The following RPF2 variants were observed in gnomAD, a reference collection of about 807,000 sequenced individuals.
RPF2 encodes the protein ribosome production factor 2 homolog, also known as brix domain containing 1.
RPF2 carries 21 observed loss-of-function variants against 38.9 expected under a neutral mutation model. The observed-to-expected ratio is 0.54, with a 90% CI of 0.38 to 0.78. The LOEUF (loss-of-function observed/expected upper bound fraction) is 0.78. Ranked by LOEUF, RPF2 falls within the 30% of genes least tolerant of loss-of-function variation. RPF2 has a pLI of 0.00. For missense variants in RPF2, 314 were observed against 358.1 expected (o/e 0.88, Z 0.99); for synonymous variants, 121 against 126.2 (o/e 0.96, Z 0.28).
chr6:110,992,310 CA>C (rs908841607), intron 4 of RPF2, among the ~76,000 whole-genome samples: 131 of 142,122 alleles, frequency 9.2e-4, no homozygotes, highest in Non-Finnish European at 1.3e-3. Context: ...AACTCCGGCT[CA>C]AAAAAAAAAA....
rs1428013108 is a variant in RPF2 at position 111,025,975 on chromosome 6, C to T, written c.*393C>T. ...AGTATGAATTACCTGGAAAGTTAAC[C>T]TCCTCTCCCAACATGGATCTACATT... On this transcript the variant is annotated 3_prime_UTR_variant, in exon 10 of 10. Transcript: ENST00000441448. 4 of 153,668 alleles carry T rather than the reference C, an allele frequency of 2.6e-5. No individual in the cohort carries two copies. The highest frequency in any genetic ancestry group is 4.3e-5 in the Non-Finnish European group (3 of 69,166). The allele number at this position is 153,668 out of a possible 1,614,324, so 9.5% of individuals were successfully genotyped here.
rs2114363017 is a variant in RPF2, at chr6:111,026,489, C to T, written c.*907C>T. The stretch of plus-strand genomic sequence containing the variant: ...GCAGCCGGAACTACAGATGTTGGTC[C>T]ACTGCACCTGGCAGAAAAGAAGTTT... On this transcript the variant is annotated 3_prime_UTR_variant, in exon 10 of 10. Transcript: ENST00000441448. The T allele has an allele frequency of 6.6e-6, 1 of 152,424 alleles. No individual in the cohort carries two copies. Among genetic ancestry groups the T allele is most frequent in the African/African-American group, 2.4e-5 (1 of 41,540 alleles). 9.4% of individuals were successfully genotyped at this position (152,424 alleles called of 1,614,324 possible).
At chr6:111,004,898 C>CT (rs1246563935) in intron 6 of RPF2, among the ~76,000 whole-genome samples, 17 of 151,214 alleles carry the variant, frequency 1.1e-4, no homozygotes, top group African/African-American at 4.1e-4. Context: ...TTTTATTTGT[C>CT]TTTGTATGAT....
chr6:111,020,127 T>A (rs2090253333), intron 8 of RPF2, among the ~76,000 whole-genome samples: 1 of 152,044 alleles, frequency 6.6e-6, no homozygotes, highest in Admixed American at 6.6e-5. Context: ...ACCATGTTAG[T>A]CAGGATGGTC....
chr6:111,019,204 C>T (rs1047479005), intron 8 of RPF2, among the ~76,000 whole-genome samples: 3 of 149,904 alleles, frequency 2.0e-5, no homozygotes, highest in Non-Finnish European at 4.5e-5. Flanking sequence ...ATGGAGAAAC[C>T]CTGTCTCTAT....
intron 6 of RPF2, among the ~76,000 whole-genome samples, chr6:111,006,065 G>A (rs919561402): frequency 2.0e-5 from 3 of 151,274 alleles, no homozygotes; most frequent in South Asian, 2.1e-4. Context: ...CTCAGCCTCC[G>A]AAAGTGCTGG....
intron 7 of RPF2, among the ~76,000 whole-genome samples, chr6:111,008,830 T>G (rs1449419966): frequency 6.6e-6 from 1 of 151,896 alleles, no homozygotes; most frequent in African/African-American, 2.4e-5. Flanking sequence ...ATCCAGTTTC[T>G]ACTATTCATT....
At position 110,982,118 on chromosome 6, in the gene RPF2, G is replaced by A. The variant is rs754444295; in HGVS notation, c.12G>A (p.Leu4=). The change falls in exon 1 of 10, where the codon CTG becomes CTA. Residue 4 remains leucine (L), a synonymous_variant. Coordinates refer to ENST00000441448, the MANE Select transcript of RPF2 (RefSeq NM_032194.3). The part of the protein sequence containing the change: MDT[L]DRVVKPKTKR... ...AGGTAGCGGTAGCGATGGACACTCT[G>A]GATCGAGTAGTGTAAGTGCGCTGGG... 6.2e-7 allele frequency: 1 copy of A among 1,614,216 alleles called. No homozygotes were observed. The highest frequency in any genetic ancestry group is 1.7e-4 in the Middle Eastern group (1 of 6,060).
intron 3 of RPF2, among the ~76,000 whole-genome samples, chr6:110,991,155 C>T (rs1469521888): frequency 6.6e-6 from 1 of 152,068 alleles, no homozygotes; most frequent in Non-Finnish European, 1.5e-5. Context: ...AAATGCTTCC[C>T]ATAAAAGTAA....
intron 2 of RPF2, among the ~76,000 whole-genome samples, chr6:110,987,182 C>T (rs1771539029): frequency 6.6e-6 from 1 of 152,000 alleles, no homozygotes; most frequent in African/African-American, 2.4e-5. Flanking sequence ...ATTCTCCTGC[C>T]TCTAGCCTCC....
intron 1 of RPF2, among the ~76,000 whole-genome samples, chr6:110,983,961 G>A (rs1218357211): frequency 1.3e-5 from 2 of 151,972 alleles, no homozygotes; most frequent in Non-Finnish European, 2.9e-5. Flanking sequence ...CCTGGGAGAC[G>A]GAGCTTGCAG....
chr6:110,992,945 A>G (rs1362061696), intron 4 of RPF2, among the ~76,000 whole-genome samples: 1 of 152,118 alleles, frequency 6.6e-6, no homozygotes, highest in East Asian at 1.9e-4. Flanking sequence ...ACTTAATATG[A>G]TTATGTTTTC....
intron 1 of RPF2, among the ~76,000 whole-genome samples, chr6:110,982,762 A>G (rs189811721): frequency 6.6e-5 from 10 of 152,274 alleles, no homozygotes; most frequent in African/African-American, 1.7e-4. Flanking sequence ...TTTTCTTGCT[A>G]TTTACCTAAG....
chr6:111,000,543 T>C (rs1164863974), intron 6 of RPF2, among the ~76,000 whole-genome samples: 1 of 151,930 alleles, frequency 6.6e-6, no homozygotes, highest in East Asian at 1.9e-4. Context: ...CCTTGGGGAG[T>C]TGCATCTTTG....
intron 4 of RPF2, among the ~76,000 whole-genome samples, 192 bp from the exon 5 acceptor site, chr6:110,996,991 A>G (rs1397444668): frequency 1.3e-5 from 2 of 152,064 alleles, no homozygotes; most frequent in Admixed American, 1.3e-4. Context: ...TAGTAGAGAT[A>G]CGGTCTTACC....
chr6:110,987,170 C>A (rs1007654435), intron 2 of RPF2, among the ~76,000 whole-genome samples: 5 of 151,920 alleles, frequency 3.3e-5, no homozygotes, highest in African/African-American at 1.2e-4. Context: ...CGGGTTCAGG[C>A]GATTCTCCTG....
chr6:110,991,415 A>AGC, intron 3 of RPF2, among the ~76,000 whole-genome samples: 1 of 120,870 alleles, frequency 8.3e-6, no homozygotes, highest in Non-Finnish European at 1.7e-5. Flanking sequence ...TTTTTTTTTT[A>AGC]ACACACTTTC....
chr6:110,982,159 G>A (rs1484878134), intron 1 of RPF2, 30 bp downstream of exon 1: 1 of 1,613,236 alleles, frequency 6.2e-7, no homozygotes, highest in East Asian at 2.2e-5. Flanking sequence ...GCCCCGGGGA[G>A]CGTTGGGGTG....
intron 2 of RPF2, 156 bp from the exon 3 acceptor site, chr6:110,988,872 G>T (rs749723436): frequency 2.6e-5 from 23 of 893,766 alleles, no homozygotes; most frequent in Non-Finnish European, 3.5e-5. Context: ...TACATTTCAA[G>T]TTACTGTAAG....
Sources: allele counts gnomAD v4.1 joint callset (sites outside exome capture counted in the v4.1 genomes callset), GRCh38; gene constraint gnomAD v4.1.1; transcripts MANE v1.5; gene names NCBI Gene and HGNC (gene_info 2026-07-23, HGNC 2026-07-21).